XKR9: variants seen among roughly 807,000 people sequenced by gnomAD.
XKR9 encodes the protein XK-related protein 9.
Under a neutral mutation model 32.0 loss-of-function variants are expected in XKR9, and 32 were observed. That is an observed-to-expected ratio of 1.00 (90% CI 0.76 to 1.34). The LOEUF (loss-of-function observed/expected upper bound fraction) is 1.34, where lower values mean the gene tolerates loss of function less well. XKR9 is among the 40% of genes most tolerant of loss of function. The pLI is 0.00. For synonymous variants in XKR9, 168 were observed against 143.4 expected, an observed-to-expected ratio of 1.17 and a Z score of -1.22; for missense variants, 546 against 429.7, an observed-to-expected ratio of 1.27 and a Z score of -2.39.
chr8:70,812,830 A>T, the XKR9 span, among the ~76,000 whole-genome samples: 1 of 152,202 alleles, frequency 6.6e-6, no homozygotes, highest in Non-Finnish European at 1.5e-5. Context: ...ATGCTCATGG[A>T]TAGGGAGAAT....
Position 70,733,849 on chromosome 8 carries a change from C to A in XKR9, c.547C>A (p.Gln183Lys). Residue 183 changes from glutamine (Q) to lysine (K), a missense_variant, in exon 5 of 5, where the codon CAA becomes AAA. Transcript: ENST00000408926. ...CAISWSTVDYQVALRKSLPDK... is the reference protein window; with the variant it reads ...CAISWSTVDYKVALRKSLPDK... ...TATTTCTTGGTCAACTGTTGATTATCAAGTAGCTTTAAGAAAATCCTTGCC... is the reference window on the plus strand; with the variant it reads ...TATTTCTTGGTCAACTGTTGATTATAAAGTAGCTTTAAGAAAATCCTTGCC... The A allele has an allele frequency of 1.2e-6, 2 of 1,605,132 alleles. No individual in the cohort carries two copies. The highest frequency in any genetic ancestry group is 2.3e-5 in the South Asian group (2 of 88,056).
At chr8:70,997,781 G>C in the XKR9 span, among the ~76,000 whole-genome samples, 1 of 152,100 alleles carries the variant, frequency 6.6e-6, no homozygotes, top group African/African-American at 2.4e-5. Context: ...ATAAATAAAA[G>C]TAGTCTGTCT....
At chr8:70,978,283 T>C in the XKR9 span, among the ~76,000 whole-genome samples, 2 of 152,198 alleles carry the variant, frequency 1.3e-5, no homozygotes, top group Non-Finnish European at 1.5e-5. Context: ...CATTATGATG[T>C]TAGCTGGTTA....
chr8:70,888,340 T>C, the XKR9 span, among the ~76,000 whole-genome samples: 3 of 152,024 alleles, frequency 2.0e-5, no homozygotes, highest in Admixed American at 6.6e-5. Flanking sequence ...GTTCCTTTTA[T>C]ATTTTGGATA....
chr8:70,801,938 C>CT, the XKR9 span, among the ~76,000 whole-genome samples: 479 of 142,490 alleles, frequency 3.4e-3, 3 homozygotes, highest in African/African-American at 5.6e-3. Context: ...CTTTTTCTTT[C>CT]TTTTTTTTTT....
intron 2 of XKR9, among the ~76,000 whole-genome samples, chr8:70,778,948 C>A (rs951194926): frequency 1.3e-5 from 2 of 151,758 alleles, no homozygotes; most frequent in Admixed American, 1.3e-4. Flanking sequence ...ATTTCTCTTT[C>A]TTGTCTGACT....
chr8:70,951,826 G>A, the XKR9 span, among the ~76,000 whole-genome samples: 1 of 151,662 alleles, frequency 6.6e-6, no homozygotes, highest in African/African-American at 2.4e-5. Context: ...GTCAATAGCA[G>A]CCTGGCCCCG....
the XKR9 span, among the ~76,000 whole-genome samples, chr8:70,925,656 G>A: frequency 6.6e-6 from 1 of 152,176 alleles, no homozygotes; most frequent in African/African-American, 2.4e-5. Context: ...TATGTGATGT[G>A]CATCTAAAGC....
downstream of XKR9, among the ~76,000 whole-genome samples, chr8:70,739,309 C>G (rs1481177421): frequency 1.3e-5 from 2 of 151,616 alleles, no homozygotes. Flanking sequence ...TTTTTGTTTT[C>G]CATTTGCTTG....
the XKR9 span, among the ~76,000 whole-genome samples, chr8:70,807,143 A>G: frequency 6.6e-6 from 1 of 152,232 alleles, no homozygotes; most frequent in South Asian, 2.1e-4. Flanking sequence ...TTTTCAACCC[A>G]GAATTTCATA....
the XKR9 span, among the ~76,000 whole-genome samples, chr8:70,836,618 GT>G: frequency 1.8e-4 from 27 of 150,806 alleles, no homozygotes; most frequent in Admixed American, 6.0e-4. Context: ...GATATTTGGG[GT>G]TTTTTTTTGC....
the XKR9 span, among the ~76,000 whole-genome samples, chr8:71,058,023 T>C: frequency 6.6e-6 from 1 of 151,434 alleles, no homozygotes; most frequent in Non-Finnish European, 1.5e-5. Flanking sequence ...CTACTGAAAA[T>C]ACAAAAAATT....
At chr8:71,056,610 T>A in the XKR9 span, among the ~76,000 whole-genome samples, 2 of 152,308 alleles carry the variant, frequency 1.3e-5, no homozygotes, top group Middle Eastern at 3.4e-3. Flanking sequence ...CTCACCCTAA[T>A]GCCTGCTAGA....
At chr8:70,947,879 T>C in the XKR9 span, among the ~76,000 whole-genome samples, 1 of 152,238 alleles carries the variant, frequency 6.6e-6, no homozygotes, top group African/African-American at 2.4e-5. Flanking sequence ...AATCCACTCA[T>C]CTAGTAGTTG....
intron 3 of XKR9, among the ~76,000 whole-genome samples, chr8:70,700,173 C>T (rs202189895): frequency 6.6e-6 from 1 of 152,164 alleles, no homozygotes; most frequent in South Asian, 2.1e-4. Context: ...AAGCCTTCTT[C>T]TCTCAACTCG....
At chr8:70,826,806 C>G in the XKR9 span, among the ~76,000 whole-genome samples, 1 of 152,102 alleles carries the variant, frequency 6.6e-6, no homozygotes, top group Non-Finnish European at 1.5e-5. Context: ...ATGCTCTGCT[C>G]TCAACATATT....
the XKR9 span, among the ~76,000 whole-genome samples, chr8:70,855,856 A>C: frequency 6.6e-6 from 1 of 152,204 alleles, no homozygotes; most frequent in Non-Finnish European, 1.5e-5. Context: ...TTCAACCCAG[A>C]ATTTCATATC....
At chr8:70,949,633 G>A in the XKR9 span, among the ~76,000 whole-genome samples, 1 of 151,860 alleles carries the variant, frequency 6.6e-6, no homozygotes, top group African/African-American at 2.4e-5. Context: ...GATCGTGGGG[G>A]ATGGGGGCTA....
At chr8:70,751,225 G>T (rs552499115) in intron 2 of XKR9, among the ~76,000 whole-genome samples, 2 of 152,276 alleles carry the variant, frequency 1.3e-5, no homozygotes, top group East Asian at 1.9e-4. Context: ...CCTCCTGGGG[G>T]TTTAAGGGAT....
Sources: allele counts gnomAD v4.1 joint callset (sites outside exome capture counted in the v4.1 genomes callset), GRCh38; gene constraint gnomAD v4.1.1; transcripts MANE v1.5; gene names NCBI Gene and HGNC (gene_info 2026-07-23, HGNC 2026-07-21).